FAF1: variants seen among roughly 807,000 people sequenced by gnomAD.
FAF1 encodes the protein FAS-associated factor 1.
A neutral mutation model predicts 92.5 loss-of-function variants in FAF1; 25 were observed. The ratio of observed to expected loss-of-function variants is 0.27; its 90% CI spans 0.20 to 0.38. FAF1 has a LOEUF of 0.38. FAF1 is among the 10% of genes least tolerant of loss of function. The pLI is 1.00. For synonymous variants in FAF1, 234 were observed against 273.2 expected, an observed-to-expected ratio of 0.86 and a Z score of 1.42; for missense variants, 636 against 793.3, an observed-to-expected ratio of 0.80 and a Z score of 2.38.
intron 7 of FAF1, among the ~76,000 whole-genome samples, chr1:50,695,742 G>A (rs1657176223): frequency 6.6e-6 from 1 of 152,020 alleles, no homozygotes; most frequent in South Asian, 2.1e-4. Flanking sequence ...TCCGCCTCCT[G>A]GGTTCAAGTG....
intron 7 of FAF1, among the ~76,000 whole-genome samples, chr1:50,692,730 T>C (rs749352282): frequency 2.0e-5 from 3 of 152,210 alleles, no homozygotes; most frequent in Non-Finnish European, 4.4e-5. Context: ...TTGTGAACAA[T>C]GCTTCAATGA....
intron 3 of FAF1, among the ~76,000 whole-genome samples, chr1:50,793,017 G>T (rs904730729): frequency 1.3e-5 from 2 of 152,128 alleles, no homozygotes; most frequent in South Asian, 4.2e-4. Context: ...TTTTATGGCG[G>T]AGTCTCGAAC....
chr1:50,678,776 CAAAA>C (rs58946586), intron 7 of FAF1, among the ~76,000 whole-genome samples: 218 of 13,878 alleles, frequency 0.016, no homozygotes, highest in African/African-American at 0.04. Flanking sequence ...GACTCCATCT[CAAAA>C]AAAAAAAAAA....
chr1:50,773,832 T>G (rs1319050070), intron 4 of FAF1, among the ~76,000 whole-genome samples: 2 of 152,162 alleles, frequency 1.3e-5, no homozygotes, highest in Non-Finnish European at 2.9e-5. Flanking sequence ...AAGGGTGGAT[T>G]TTAAGTCTTA....
At chr1:50,496,903 A>T (rs948008041) in intron 15 of FAF1, among the ~76,000 whole-genome samples, 1 of 151,954 alleles carries the variant, frequency 6.6e-6, no homozygotes, top group East Asian at 1.9e-4. Context: ...AAAAAAAAAA[A>T]AGTTATCTCT....
chr1:50,824,100 T>C (rs1451812694), intron 2 of FAF1, among the ~76,000 whole-genome samples: 1 of 152,174 alleles, frequency 6.6e-6, no homozygotes, highest in East Asian at 1.9e-4. Flanking sequence ...TGTCATTTCA[T>C]AAAACAAGTA....
intron 2 of FAF1, among the ~76,000 whole-genome samples, chr1:50,848,880 A>G (rs559514435): frequency 2.6e-5 from 4 of 152,342 alleles, no homozygotes; most frequent in Admixed American, 2.0e-4. Context: ...AATGTATTGT[A>G]GACATTAAAT....
intron 6 of FAF1, among the ~76,000 whole-genome samples, chr1:50,718,260 C>G (rs1423512295): frequency 6.6e-6 from 1 of 152,094 alleles, no homozygotes; most frequent in African/African-American, 2.4e-5. Context: ...CAACTCCTGA[C>G]CTTGTGATCC....
intron 4 of FAF1, among the ~76,000 whole-genome samples, chr1:50,783,069 GACT>G (rs1176698660): frequency 2.0e-5 from 3 of 151,770 alleles, no homozygotes; most frequent in East Asian, 1.9e-4. Context: ...AATTATAACA[GACT>G]ACTATGAAAA....
At chr1:50,503,667 G>A (rs1190214170) in intron 15 of FAF1, among the ~76,000 whole-genome samples, 2 of 151,580 alleles carry the variant, frequency 1.3e-5, no homozygotes, top group African/African-American at 4.8e-5. Context: ...AAAGTAACAT[G>A]GTGGTATATC....
intron 4 of FAF1, among the ~76,000 whole-genome samples, chr1:50,761,773 T>G (rs1368183536): frequency 6.6e-6 from 1 of 152,180 alleles, no homozygotes; most frequent in East Asian, 1.9e-4. Context: ...CTTTGAAAAC[T>G]GGCACAAGAC....
At chr1:50,458,977 CTTTTTT>C (rs369055144) in intron 18 of FAF1, among the ~76,000 whole-genome samples, 1 of 138,396 alleles carries the variant, frequency 7.2e-6, no homozygotes, top group African/African-American at 2.7e-5. Context: ...TTTTTTTTTT[CTTTTTT>C]TTTTTTGAGA....
intron 8 of FAF1, among the ~76,000 whole-genome samples, chr1:50,598,221 A>T (rs1223667644): frequency 6.6e-6 from 1 of 152,048 alleles, no homozygotes; most frequent in Admixed American, 6.6e-5. Flanking sequence ...ACTTGAGCCC[A>T]GGTGGTTAAG....
At chr1:50,776,028 T>C (rs184224806) in intron 4 of FAF1, among the ~76,000 whole-genome samples, 14 of 152,156 alleles carry the variant, frequency 9.2e-5, no homozygotes, top group African/African-American at 3.1e-4. Context: ...GTAGATATCA[T>C]ATAATAACAA....
At position 50,774,678 on chromosome 1, in the gene FAF1, G is replaced by T. The variant is rs549206397; in HGVS notation, c.367+13322C>A. On this transcript the variant is annotated intron_variant, in intron 4 of 18. Coordinates refer to ENST00000396153, the MANE Select transcript of FAF1 (RefSeq NM_007051.3). ...TACTAGGCTCCAGTAAATTAGGTTTGTTAACAGCACTGATTTAACAAACTT... is the reference window on the plus strand; with the variant it reads ...TACTAGGCTCCAGTAAATTAGGTTTTTTAACAGCACTGATTTAACAAACTT... Among the ~76,000 whole-genome samples the T allele has an allele frequency of 5.3e-5, 8 of 152,172 alleles. No homozygotes were observed. The South Asian group carries it at 1.7e-3, about 32-fold the overall frequency.
intron 9 of FAF1, among the ~76,000 whole-genome samples, chr1:50,586,890 A>C (rs887371105): frequency 6.6e-6 from 1 of 152,226 alleles, no homozygotes; most frequent in Admixed American, 6.5e-5. Flanking sequence ...TTTACAAGAT[A>C]TACCACATGT....
chr1:50,655,420 T>C (rs371256903), intron 8 of FAF1, 22 bp downstream of exon 8: 140 of 1,555,276 alleles, frequency 9.0e-5, no homozygotes, highest in Non-Finnish European at 1.2e-4. Flanking sequence ...GATATAAAAC[T>C]GAAAATTTGA....
intron 4 of FAF1, among the ~76,000 whole-genome samples, chr1:50,761,267 G>T (rs1214498060): frequency 6.6e-6 from 1 of 152,144 alleles, no homozygotes; most frequent in Non-Finnish European, 1.5e-5. Flanking sequence ...GTATAAGGAG[G>T]AACTGGTACC....
At chr1:50,918,339 C>T (rs1052967301) in intron 1 of FAF1, among the ~76,000 whole-genome samples, 2 of 96,166 alleles carry the variant, frequency 2.1e-5, no homozygotes, top group African/African-American at 4.2e-5. Flanking sequence ...CTATCCCTCC[C>T]CCCTCCCCCG....
Sources: gnomAD v4.1 joint callset for allele counts (sites outside exome capture counted in the v4.1 genomes callset) on GRCh38, gnomAD v4.1.1 for gene constraint, MANE v1.5 for transcripts, NCBI Gene and HGNC (gene_info 2026-07-23, HGNC 2026-07-21) for gene names.